The following MAN2A1 variants were observed in gnomAD, a reference collection of about 807,000 sequenced individuals.
The protein encoded by MAN2A1 is mannosidase alpha class 2A member 1.
MAN2A1 carries 76 observed loss-of-function variants against 142.6 expected under a neutral mutation model. The ratio of observed to expected loss-of-function variants is 0.53; its 90% CI spans 0.44 to 0.65. MAN2A1 has a LOEUF of 0.65. Among genes scored for constraint, MAN2A1 ranks in the 30% least tolerant of loss-of-function variants. The pLI, the probability that MAN2A1 is intolerant of heterozygous loss-of-function variation, is 0.00. For synonymous variants in MAN2A1, 559 were observed against 473.2 expected (o/e 1.18, Z -2.35); for missense variants, 1,311 against 1,365.1 (o/e 0.96, Z 0.62).
At chr5:109,773,616 A>G (rs535881319) in intron 7 of MAN2A1, among the ~76,000 whole-genome samples, 3 of 152,264 alleles carry the variant, frequency 2.0e-5, no homozygotes, top group African/African-American at 4.8e-5. Flanking sequence ...TAAGCATTAT[A>G]TGTTACATAA....
chr5:109,840,602 C>T (rs1755176426), intron 16 of MAN2A1: 1 of 488,498 alleles, frequency 2.0e-6, no homozygotes, highest in African/African-American at 2.0e-5. Flanking sequence ...CATCTTCTGC[C>T]TTTTCTGAGA....
chr5:109,832,011 TTTTAA>T (rs1409921649), intron 16 of MAN2A1, among the ~76,000 whole-genome samples: 3 of 151,918 alleles, frequency 2.0e-5, no homozygotes, highest in African/African-American at 7.2e-5. Context: ...GGTTGTACCT[TTTTAA>T]TTCCTAATGG....
chr5:109,861,567 T>G (rs1006204081), intron 20 of MAN2A1, among the ~76,000 whole-genome samples: 2 of 152,234 alleles, frequency 1.3e-5, no homozygotes, highest in Non-Finnish European at 2.9e-5. Flanking sequence ...TACATGAACT[T>G]TATTTAAAGC....
At chr5:109,768,735 A>T (rs949202534) in intron 6 of MAN2A1, among the ~76,000 whole-genome samples, 1 of 152,194 alleles carries the variant, frequency 6.6e-6, no homozygotes, top group Non-Finnish European at 1.5e-5. Context: ...AGCATTAGCT[A>T]TACAGTTTCT....
At chr5:109,785,643 T>C (rs900718394) in intron 10 of MAN2A1, among the ~76,000 whole-genome samples, 1 of 152,014 alleles carries the variant, frequency 6.6e-6, no homozygotes, top group African/African-American at 2.4e-5. Flanking sequence ...GGGGAAGAAA[T>C]CTTACCTTTT....
intron 4 of MAN2A1, among the ~76,000 whole-genome samples, chr5:109,746,821 TG>T (rs1752421277): frequency 1.3e-5 from 2 of 152,174 alleles, no homozygotes; most frequent in South Asian, 4.1e-4. Flanking sequence ...TCTACAAGTT[TG>T]ACTACTCTAT....
intron 1 of MAN2A1, among the ~76,000 whole-genome samples, chr5:109,712,416 T>C (rs1036305143): frequency 2.0e-5 from 3 of 152,218 alleles, no homozygotes; most frequent in Non-Finnish European, 4.4e-5. Context: ...TAAAACAATT[T>C]ATATTTCTAA....
At chr5:109,831,300 T>A (rs1409016409) in intron 16 of MAN2A1, among the ~76,000 whole-genome samples, 2 of 152,160 alleles carry the variant, frequency 1.3e-5, no homozygotes, top group African/African-American at 4.8e-5. Context: ...ATGGGTTAGA[T>A]AGTTTACTAT....
At chr5:109,757,001 C>G (rs539119531) in intron 5 of MAN2A1, among the ~76,000 whole-genome samples, 1 of 152,286 alleles carries the variant, frequency 6.6e-6, no homozygotes, top group African/African-American at 2.4e-5. Flanking sequence ...CAGTTTCGTG[C>G]TGGAGCATTT....
chr5:109,713,896 TTTG>T, intron 2 of MAN2A1, 122 bp downstream of exon 2: 1 of 873,152 alleles, frequency 1.1e-6, no homozygotes, highest in Admixed American at 2.8e-5. Flanking sequence ...AGTTTCTCTT[TTTG>T]TAAAGTATTT....
chr5:109,790,697 T>C lies in MAN2A1; in HGVS notation c.1943+1170T>C, dbSNP rs145219882. ...TTGTGTTCCTAGTAAACTCTGGCATTAGTAAATCTATTTGGCTTTAGGCAT... is the reference window on the plus strand; with the variant it reads ...TTGTGTTCCTAGTAAACTCTGGCATCAGTAAATCTATTTGGCTTTAGGCAT... On this transcript the variant is annotated intron_variant, in intron 12 of 21. Coordinates refer to ENST00000261483, the MANE Select transcript of MAN2A1 (RefSeq NM_002372.4). Among the ~76,000 whole-genome samples, 544 of 152,220 alleles carry C rather than the reference T, an allele frequency of 3.6e-3. 4 individuals carry two copies. The highest frequency in any genetic ancestry group is 0.013 in the African/African-American group (526 of 41,572).
intron 11 of MAN2A1, 146 bp from the exon 12 acceptor site, chr5:109,789,314 G>T: frequency 1.8e-6 from 1 of 547,204 alleles, no homozygotes; most frequent in Non-Finnish European, 3.2e-6. Context: ...TGTTTTGCTT[G>T]GCTTTAATTA....
rs1424522239 is a variant in MAN2A1, at chr5:109,867,176, A to AAAGCC, written c.*180_*184dup. ...CAGTAAGAAAAAAAAAAAAAAAAAAAAAGCCATGCTATCAATCAAGATTCT... is the reference window on the plus strand; with the variant it reads ...CAGTAAGAAAAAAAAAAAAAAAAAAAAAGCCAAGCCATGCTATCAATCAAGATTCT... On this transcript the variant is annotated 3_prime_UTR_variant, in exon 22 of 22. Coordinates refer to ENST00000261483, the MANE Select transcript of MAN2A1 (RefSeq NM_002372.4). The AAAGCC allele has an allele frequency of 2.5e-6, 1 of 407,654 alleles. No homozygotes were observed. The highest frequency in any genetic ancestry group is 4.3e-6 in the Non-Finnish European group (1 of 233,098). 25.3% of individuals were successfully genotyped at this position (407,654 alleles called of 1,614,324 possible). A position where few individuals can be genotyped will look rare whatever the true frequency, so the allele number is the denominator to read the frequency against.
intron 4 of MAN2A1, among the ~76,000 whole-genome samples, chr5:109,754,924 CTGGG>C (rs1752647042): frequency 3.9e-5 from 6 of 152,236 alleles, no homozygotes; most frequent in Non-Finnish European, 5.9e-5. Flanking sequence ...TCGCTTGAAC[CTGGG>C]AGGCGGAGGT....
chr5:109,752,925 T>G (rs1422930409), intron 4 of MAN2A1, among the ~76,000 whole-genome samples: 3 of 152,202 alleles, frequency 2.0e-5, no homozygotes, highest in African/African-American at 7.2e-5. Flanking sequence ...TGGTTGACTT[T>G]CTTGAAGACC....
chr5:109,754,319 T>C (rs1405765312), intron 4 of MAN2A1, among the ~76,000 whole-genome samples: 1 of 152,114 alleles, frequency 6.6e-6, no homozygotes, highest in Non-Finnish European at 1.5e-5. Flanking sequence ...AAAACAATTT[T>C]ATTAGGATTA....
At chr5:109,740,405 G>C (rs1752233811) in intron 4 of MAN2A1, among the ~76,000 whole-genome samples, 1 of 152,198 alleles carries the variant, frequency 6.6e-6, no homozygotes, top group African/African-American at 2.4e-5. Context: ...CTTTGTTTTT[G>C]TGTGGCCTGT....
chr5:109,819,994 C>G, intron 14 of MAN2A1, 107 bp downstream of exon 14: 2 of 875,814 alleles, frequency 2.3e-6, no homozygotes, highest in Non-Finnish European at 3.5e-6. Flanking sequence ...AGAGCTGTAT[C>G]AAATACTCTT....
intron 4 of MAN2A1, among the ~76,000 whole-genome samples, chr5:109,745,932 A>G (rs1044749790): frequency 2.0e-5 from 3 of 152,174 alleles, no homozygotes; most frequent in Non-Finnish European, 4.4e-5. Flanking sequence ...ACATTTTTAA[A>G]TAAATTTTCA....
Sources: allele counts gnomAD v4.1 joint callset (sites outside exome capture counted in the v4.1 genomes callset), GRCh38; gene constraint gnomAD v4.1.1; transcripts MANE v1.5; gene names NCBI Gene and HGNC (gene_info 2026-07-23, HGNC 2026-07-21).